Variants in LCLAT1 observed in about 807,000 individuals in gnomAD.
LCLAT1 encodes lysocardiolipin acyltransferase 1.
LCLAT1 carries 11 observed loss-of-function variants against 30.7 expected under a neutral mutation model. That is an observed-to-expected ratio of 0.36 (90% confidence interval 0.23 to 0.59). The LOEUF is 0.59. Among genes scored for constraint, LCLAT1 ranks in the 20% least tolerant of loss-of-function variants. LCLAT1 has a pLI of 0.77. For synonymous variants in LCLAT1, 155 were observed against 151.3 expected, an observed-to-expected ratio of 1.02 and a Z score of -0.18; for missense variants, 402 against 458.6, an observed-to-expected ratio of 0.88 and a Z score of 1.13.
chr2:30,579,166 A>G (rs1034651039), intron 5 of LCLAT1, among the ~76,000 whole-genome samples: 4 of 152,114 alleles, frequency 2.6e-5, no homozygotes, highest in African/African-American at 4.8e-5. Flanking sequence ...AACTTTAGGG[A>G]TGGACATTGG....
chr2:30,638,985 C>G (rs1484357885), intron 5 of LCLAT1, among the ~76,000 whole-genome samples: 1 of 152,210 alleles, frequency 6.6e-6, no homozygotes, highest in Non-Finnish European at 1.5e-5. Context: ...CCTCTCCAAA[C>G]CATTCTGGTC....
intron 3 of LCLAT1, among the ~76,000 whole-genome samples, chr2:30,548,575 C>T (rs1165119301): frequency 1.3e-5 from 2 of 152,026 alleles, no homozygotes; most frequent in African/African-American, 2.4e-5. Flanking sequence ...AGAGGAATCT[C>T]TCAGATAGCA....
chr2:30,491,173 A>T (rs1034533628), intron 1 of LCLAT1, among the ~76,000 whole-genome samples: 1 of 152,192 alleles, frequency 6.6e-6, no homozygotes, highest in African/African-American at 2.4e-5. Flanking sequence ...AAATAGACAG[A>T]AGACAGTATG....
At chr2:30,560,452 G>T (rs931465519) in intron 3 of LCLAT1, among the ~76,000 whole-genome samples, 1 of 151,884 alleles carries the variant, frequency 6.6e-6, no homozygotes, top group South Asian at 2.1e-4. Context: ...AGTTCTCCCC[G>T]CTCAGCCTCC....
chr2:30,453,173 G>C (rs964716341), intron 1 of LCLAT1, among the ~76,000 whole-genome samples: 7 of 152,154 alleles, frequency 4.6e-5, no homozygotes, highest in South Asian at 2.1e-4. Context: ...AGAACTCATG[G>C]AGCGGGGGAT....
chr2:30,610,228 G>A (rs1368171374), intron 5 of LCLAT1, among the ~76,000 whole-genome samples: 1 of 151,660 alleles, frequency 6.6e-6, no homozygotes, highest in Non-Finnish European at 1.5e-5. Flanking sequence ...CCTGTGAAAA[G>A]CAATGTGCTA....
At chr2:30,490,084 T>C (rs1201559153) in intron 1 of LCLAT1, among the ~76,000 whole-genome samples, 2 of 152,156 alleles carry the variant, frequency 1.3e-5, no homozygotes, top group African/African-American at 4.8e-5. Context: ...ATCACCCCTA[T>C]TTTTTACAAC....
intron 1 of LCLAT1, among the ~76,000 whole-genome samples, chr2:30,518,425 G>A (rs1202036416): frequency 6.6e-6 from 1 of 152,148 alleles, no homozygotes; most frequent in Non-Finnish European, 1.5e-5. Context: ...GCTCAAACGT[G>A]CGAGCTGTTT....
At chr2:30,462,756 C>T (rs1484256887) in intron 1 of LCLAT1, among the ~76,000 whole-genome samples, 2 of 152,104 alleles carry the variant, frequency 1.3e-5, no homozygotes, top group African/African-American at 4.8e-5. Flanking sequence ...ATAAGAATTA[C>T]CTTTTTTTGT....
At chr2:30,623,242 G>A (rs907462641) in intron 5 of LCLAT1, among the ~76,000 whole-genome samples, 1 of 151,900 alleles carries the variant, frequency 6.6e-6, no homozygotes, top group Non-Finnish European at 1.5e-5. Flanking sequence ...TTTTAGTAGA[G>A]ACAGGGTTTC....
chr2:30,581,852 C>T (rs1459906605), intron 5 of LCLAT1, among the ~76,000 whole-genome samples: 1 of 152,048 alleles, frequency 6.6e-6, no homozygotes, highest in African/African-American at 2.4e-5. Context: ...TGTGGGGTGA[C>T]TATAATTTAC....
chr2:30,577,912 A>G (rs914274154), intron 5 of LCLAT1, among the ~76,000 whole-genome samples: 2 of 152,110 alleles, frequency 1.3e-5, no homozygotes, highest in African/African-American at 2.4e-5. Flanking sequence ...TGTTAAGTAA[A>G]CATCTGTCTG....
chr2:30,453,296 A>G (rs1178268848), intron 1 of LCLAT1, among the ~76,000 whole-genome samples: 2 of 152,264 alleles, frequency 1.3e-5, no homozygotes, highest in African/African-American at 2.4e-5. Context: ...CGGTTCTTCC[A>G]GCTCTTCCAG....
At chr2:30,638,303 T>C (rs1172882052) in intron 5 of LCLAT1, among the ~76,000 whole-genome samples, 5 of 152,184 alleles carry the variant, frequency 3.3e-5, no homozygotes, top group Admixed American at 3.3e-4. Flanking sequence ...TGAGGTAAAA[T>C]GTAAAGAGTG....
intron 3 of LCLAT1, chr2:30,552,633 A>G (rs192461439): frequency 1.3e-3 from 470 of 348,314 alleles, no homozygotes; most frequent in Non-Finnish European, 1.9e-3. Context: ...TGTGGAGAGC[A>G]TTACCCAGTT....
At chr2:30,636,649 TC>T (rs1241261979) in intron 5 of LCLAT1, among the ~76,000 whole-genome samples, 1 of 152,152 alleles carries the variant, frequency 6.6e-6, no homozygotes, top group Non-Finnish European at 1.5e-5. Context: ...ACTTGCCATT[TC>T]TGTACTGAAC....
At chr2:30,502,936 T>C (rs1253102019) in intron 1 of LCLAT1, among the ~76,000 whole-genome samples, 1 of 152,246 alleles carries the variant, frequency 6.6e-6, no homozygotes, top group Non-Finnish European at 1.5e-5. Context: ...TGAGCAGTAC[T>C]GTTCCTTGCA....
intron 5 of LCLAT1, among the ~76,000 whole-genome samples, chr2:30,573,188 C>G (rs924602258): frequency 4.6e-5 from 7 of 152,214 alleles, no homozygotes; most frequent in Admixed American, 1.3e-4. Flanking sequence ...TTTTCACATG[C>G]TGTGAAATCC....
intron 5 of LCLAT1, among the ~76,000 whole-genome samples, chr2:30,626,958 A>C (rs780329123): frequency 2.8e-4 from 43 of 152,308 alleles, no homozygotes; most frequent in Middle Eastern, 3.4e-3. Context: ...TGCATCATAA[A>C]GTCTCAGTTT....
Sources: allele counts gnomAD v4.1 joint callset (sites outside exome capture counted in the v4.1 genomes callset), GRCh38; gene constraint gnomAD v4.1.1; transcripts MANE v1.5; gene names NCBI Gene and HGNC (gene_info 2026-07-23, HGNC 2026-07-21).